The following KAZN variants were observed in gnomAD, a reference collection of about 807,000 sequenced individuals.
The protein encoded by KAZN is kazrin, periplakin interacting protein, also known as kazrin.
A neutral mutation model predicts 87.4 loss-of-function variants in KAZN; 40 were observed. The observed-to-expected ratio is 0.46, with a 90% CI of 0.36 to 0.60. The LOEUF (loss-of-function observed/expected upper bound fraction) is 0.60, where lower values mean the gene tolerates loss of function less well. Among genes scored for constraint, KAZN ranks in the 20% least tolerant of loss-of-function variants. KAZN has a pLI of 0.00. For synonymous variants in KAZN, 466 were observed against 458.3 expected (o/e 1.02, Z -0.22); for missense variants, 898 against 1,073.9 (o/e 0.84, Z 2.29).
At chr1:14,364,909 T>C (rs1221428289) in intron 2 of KAZN, among the ~76,000 whole-genome samples, 2 of 152,058 alleles carry the variant, frequency 1.3e-5, no homozygotes, top group African/African-American at 4.8e-5. Flanking sequence ...TTTTGTTTTG[T>C]TTTGTTTGTT....
intron 2 of KAZN, among the ~76,000 whole-genome samples, chr1:14,495,815 G>A (rs775738533): frequency 1.3e-5 from 2 of 152,142 alleles, no homozygotes; most frequent in Non-Finnish European, 2.9e-5. Context: ...TTCAGGTCTT[G>A]CCAGTTGATG....
intron 1 of KAZN, among the ~76,000 whole-genome samples, chr1:14,881,771 T>C (rs1653365288): frequency 2.0e-5 from 3 of 152,244 alleles, no homozygotes; most frequent in Non-Finnish European, 4.4e-5. Flanking sequence ...ATTTGCTCCC[T>C]CTGAACTTGT....
intron 1 of KAZN, among the ~76,000 whole-genome samples, chr1:14,681,247 G>A (rs1373838894): frequency 2.6e-5 from 4 of 152,324 alleles, no homozygotes; most frequent in African/African-American, 9.6e-5. Flanking sequence ...ATGTGGCTAT[G>A]CCACAGTTTA....
At chr1:15,000,845 T>C (rs984988182) in intron 2 of KAZN, among the ~76,000 whole-genome samples, 5 of 152,010 alleles carry the variant, frequency 3.3e-5, no homozygotes, top group Admixed American at 2.0e-4. Flanking sequence ...GGCTCACGCC[T>C]GTAATCCCAA....
intron 8 of KAZN, among the ~76,000 whole-genome samples, chr1:15,083,566 G>A (rs1287912038): frequency 6.6e-6 from 1 of 152,146 alleles, no homozygotes; most frequent in African/African-American, 2.4e-5. Context: ...TCCAAAGGAT[G>A]GACAGACACG....
chr1:14,123,259 A>G (rs1293727304), intron 1 of KAZN, among the ~76,000 whole-genome samples: 1 of 152,118 alleles, frequency 6.6e-6, no homozygotes, highest in Non-Finnish European at 1.5e-5. Flanking sequence ...CAGAGGCATG[A>G]CTTTTTTTTT....
chr1:14,533,231 A>C (rs114742952), intron 2 of KAZN, among the ~76,000 whole-genome samples: 370 of 152,312 alleles, frequency 2.4e-3, no homozygotes, highest in African/African-American at 8.5e-3. Context: ...AGTCATTAAC[A>C]TTTCTGGGAT....
intron 2 of KAZN, among the ~76,000 whole-genome samples, chr1:14,325,640 C>T (rs749436076): frequency 6.6e-6 from 1 of 152,170 alleles, no homozygotes; most frequent in East Asian, 1.9e-4. Flanking sequence ...ACTCAAGGAA[C>T]TTCTTAATAT....
intron 1 of KAZN, among the ~76,000 whole-genome samples, chr1:14,759,909 C>T (rs747292221): frequency 1.3e-5 from 2 of 152,268 alleles, no homozygotes; most frequent in Non-Finnish European, 2.9e-5. Context: ...TGCATTGTGG[C>T]TCCTCTTCCA....
At chr1:14,302,984 C>A (rs1050581784) in intron 2 of KAZN, among the ~76,000 whole-genome samples, 6 of 152,152 alleles carry the variant, frequency 3.9e-5, no homozygotes, top group Admixed American at 3.3e-4. Context: ...TAGCTCACTG[C>A]ATTTTTGTTA....
chr1:14,416,181 C>A (rs1010086929), intron 2 of KAZN, among the ~76,000 whole-genome samples: 2 of 152,162 alleles, frequency 1.3e-5, no homozygotes, highest in Admixed American at 6.5e-5. Flanking sequence ...TTCAGGGATT[C>A]CCTGGACAGA....
In KAZN at chr1:14,599,128, G is replaced by A; in HGVS notation, c.131G>A (p.Gly44Asp). The A allele has an allele frequency of 6.6e-7, 1 of 1,519,592 alleles. No homozygotes were observed. The highest frequency in any genetic ancestry group is 1.3e-5 in the South Asian group (1 of 78,384). 94.1% of individuals were successfully genotyped at this position (1,519,592 alleles called of 1,614,324 possible). The change falls in exon 1 of 15, where the codon GGC (glycine) becomes GAC (aspartate). Residue 44 changes from glycine to aspartate, a missense_variant. Gly to Asp is a moderately conservative substitution (Grantham distance 94, BLOSUM62 -1). Around this residue, in one of 3 missense-constraint regions of KAZN, gnomAD observed 250 missense variants for 263.0 expected, o/e 0.95. Coordinates refer to ENST00000376030, the MANE Select transcript of KAZN (RefSeq NM_201628.3). The surrounding 1 kb of genome is among the most constrained non-coding windows in gnomAD (Gnocchi z 4.4). ...AGACTGGCGGAACTGAGCGGCGGCG[G>A]CGGCCCCGGCCCGGGCCCGGGAGCC... ...NRRLAELSGG[G>D]GPGPGPGAAA...
chr1:14,796,753 T>A (rs947888073), intron 1 of KAZN, among the ~76,000 whole-genome samples: 2 of 152,192 alleles, frequency 1.3e-5, no homozygotes, highest in Non-Finnish European at 2.9e-5. Context: ...CCCCATCACC[T>A]GAAGGAGTGG....
At chr1:14,824,384 A>G (rs1646822960) in intron 1 of KAZN, among the ~76,000 whole-genome samples, 1 of 152,180 alleles carries the variant, frequency 6.6e-6, no homozygotes, top group Non-Finnish European at 1.5e-5. Flanking sequence ...AAGTGCATTG[A>G]CTACTGCTCC....
intron 1 of KAZN, among the ~76,000 whole-genome samples, chr1:14,627,505 G>C (rs115208819): frequency 6.6e-6 from 1 of 152,110 alleles, no homozygotes; most frequent in Non-Finnish European, 1.5e-5. Flanking sequence ...TAAAAGGCTC[G>C]CTCCTCACTC....
chr1:14,493,416 T>A (rs978321553), intron 2 of KAZN, among the ~76,000 whole-genome samples: 1 of 152,150 alleles, frequency 6.6e-6, no homozygotes, highest in Non-Finnish European at 1.5e-5. Context: ...AGAGCTGAGC[T>A]GCTCAGGTCC....
At chr1:14,108,921 G>T (rs1644438659) in intron 1 of KAZN, among the ~76,000 whole-genome samples, 1 of 152,180 alleles carries the variant, frequency 6.6e-6, no homozygotes. Flanking sequence ...CTGGGTCTGT[G>T]CTGCCTATGC....
intron 8 of KAZN, among the ~76,000 whole-genome samples, chr1:15,068,608 T>C (rs566853014): frequency 3.3e-4 from 50 of 151,628 alleles, no homozygotes; most frequent in African/African-American, 1.2e-3. Flanking sequence ...TTCAGGGAGA[T>C]AGAGAGGGAG....
At chr1:14,244,700 A>G (rs1649328210) in intron 2 of KAZN, among the ~76,000 whole-genome samples, 2 of 152,016 alleles carry the variant, frequency 1.3e-5, no homozygotes, top group South Asian at 2.1e-4. Flanking sequence ...GGCAGAGAGA[A>G]CAGCAAGTAC....
Sources: allele counts gnomAD v4.1 joint callset (sites outside exome capture counted in the v4.1 genomes callset), GRCh38; gene constraint gnomAD v4.1.1; regional missense constraint gnomAD v4.1.1; non-coding constraint Gnocchi (gnomAD v3.1); transcripts MANE v1.5; gene names NCBI Gene and HGNC (gene_info 2026-07-23, HGNC 2026-07-21).